The following SCTR variants were observed in gnomAD, a reference collection of about 807,000 sequenced individuals.
The protein encoded by SCTR is secretin receptor, also known as pancreatic secretin receptor.
Under a neutral mutation model 60.8 loss-of-function variants are expected in SCTR, and 56 were observed. The observed-to-expected ratio is 0.92, with a 90% CI of 0.74 to 1.15. The LOEUF (loss-of-function observed/expected upper bound fraction) is 1.15, where lower values mean the gene tolerates loss of function less well. Among genes scored for constraint, SCTR ranks in the 50% most tolerant of loss-of-function variants. SCTR has a pLI of 0.00. For missense variants in SCTR, 562 were observed against 550.4 expected, an observed-to-expected ratio of 1.02 and a Z score of -0.21; for synonymous variants, 202 against 217.0, an observed-to-expected ratio of 0.93 and a Z score of 0.61.
intron 2 of SCTR, among the ~76,000 whole-genome samples, chr2:119,489,287 G>A (rs1678022363): frequency 1.3e-5 from 2 of 152,306 alleles, no homozygotes; most frequent in South Asian, 4.1e-4. Flanking sequence ...TCCTCTGCGG[G>A]GGCCTCACCT....
At chr2:119,496,640 TA>T (rs1465284876) in intron 1 of SCTR, among the ~76,000 whole-genome samples, 1 of 152,104 alleles carries the variant, frequency 6.6e-6, no homozygotes, top group African/African-American at 2.4e-5. Context: ...TCCCACCTCA[TA>T]TATCACAGGA....
chr2:119,474,780 T>C (rs565347381), intron 3 of SCTR, among the ~76,000 whole-genome samples: 3 of 152,320 alleles, frequency 2.0e-5, no homozygotes, highest in Admixed American at 2.0e-4. Flanking sequence ...CCACAGCGTA[T>C]GCTATCACTG....
At chr2:119,440,972 G>C (rs1682634867) in intron 12 of SCTR, among the ~76,000 whole-genome samples, 1 of 152,226 alleles carries the variant, frequency 6.6e-6, no homozygotes, top group Admixed American at 6.5e-5. Flanking sequence ...CTTAGCTCAT[G>C]TTAACCACAT....
intron 2 of SCTR, chr2:119,484,782 T>A (rs533381604): frequency 6.6e-6 from 1 of 152,146 alleles, no homozygotes; most frequent in East Asian, 1.9e-4. Flanking sequence ...CTCTGGGGGA[T>A]GAAGAGGTAT....
chr2:119,459,203 C>T (rs1287315932), intron 7 of SCTR, among the ~76,000 whole-genome samples: 1 of 152,148 alleles, frequency 6.6e-6, no homozygotes, highest in Non-Finnish European at 1.5e-5. Flanking sequence ...ACATCTATAT[C>T]ACATCTATCT....
At chr2:119,473,311 G>A (rs954917081) in intron 4 of SCTR, 142 bp downstream of exon 4, 8 of 615,212 alleles carry the variant, frequency 1.3e-5, no homozygotes, top group Admixed American at 8.6e-5. Flanking sequence ...AGGAGGCATG[G>A]GGACAGGGGG....
chr2:119,450,527 A>T (rs990656484), intron 9 of SCTR, among the ~76,000 whole-genome samples: 1 of 147,862 alleles, frequency 6.8e-6, no homozygotes, highest in African/African-American at 2.4e-5. Flanking sequence ...AGTGAAAAAC[A>T]AAAAACAAAA....
At chr2:119,491,018 T>C (rs1241257682) in intron 2 of SCTR, among the ~76,000 whole-genome samples, 1 of 152,146 alleles carries the variant, frequency 6.6e-6, no homozygotes, top group African/African-American at 2.4e-5. Flanking sequence ...CTTTCTTCTC[T>C]TCCCTGTCTC....
rs1573830390 is a variant in SCTR, at chr2:119,464,088, G to A, written c.636+35C>T. ...AAGCTAGGCTGGGGAAGGCAGGCGG[G>A]CCTGGCGACATCCTGGGGCACCCAG... On this transcript the variant is annotated intron_variant, in intron 6 of 12. Transcript: ENST00000019103. The A allele has an allele frequency of 2.5e-6, 4 of 1,612,308 alleles. No individual in the cohort carries two copies. In the East Asian group the frequency reaches 8.9e-5, roughly 36 times the overall value.
At chr2:119,521,534 C>G (rs899591420) in intron 1 of SCTR, among the ~76,000 whole-genome samples, 1 of 151,934 alleles carries the variant, frequency 6.6e-6, no homozygotes, top group Non-Finnish European at 1.5e-5. Context: ...GGGGTGGGGC[C>G]GCAGAGGGGG....
At chr2:119,474,646 A>T (rs1677188919) in intron 3 of SCTR, among the ~76,000 whole-genome samples, 1 of 152,186 alleles carries the variant, frequency 6.6e-6, no homozygotes, top group South Asian at 2.1e-4. Context: ...CACAGTCTCC[A>T]GGGGCTGGGC....
At chr2:119,507,680 C>CTT (rs1222628111) in intron 1 of SCTR, among the ~76,000 whole-genome samples, 31 of 99,308 alleles carry the variant, frequency 3.1e-4, no homozygotes, top group African/African-American at 6.2e-4. Flanking sequence ...TTTTTTTTTT[C>CTT]TTTTTTTTTT....
chr2:119,484,453 G>A (rs1001059436), intron 2 of SCTR, among the ~76,000 whole-genome samples: 4 of 152,138 alleles, frequency 2.6e-5, no homozygotes, highest in African/African-American at 9.7e-5. Flanking sequence ...GACAGCATGG[G>A]ATACCAGGTT....
intron 1 of SCTR, among the ~76,000 whole-genome samples, chr2:119,502,348 A>G (rs1478006477): frequency 2.6e-5 from 4 of 152,254 alleles, no homozygotes; most frequent in Non-Finnish European, 5.9e-5. Context: ...TATGCTGAGA[A>G]CAACATAATG....
intron 2 of SCTR, among the ~76,000 whole-genome samples, chr2:119,482,096 C>G (rs1677636604): frequency 6.6e-6 from 1 of 152,214 alleles, no homozygotes; most frequent in Non-Finnish European, 1.5e-5. Context: ...CTGTCTCCAC[C>G]CAGCCCTCCA....
chr2:119,463,559 C>A (rs1297762086), intron 6 of SCTR, among the ~76,000 whole-genome samples: 2 of 152,080 alleles, frequency 1.3e-5, no homozygotes, highest in East Asian at 3.9e-4. Flanking sequence ...GGAAACAGCC[C>A]CCATTTGTTT....
At chr2:119,476,527 G>A (rs1677319314) in intron 3 of SCTR, 1 of 152,286 alleles carries the variant, frequency 6.6e-6, no homozygotes, top group Non-Finnish European at 1.5e-5. Flanking sequence ...AGCAATCCAA[G>A]GGTAGGGGAG....
At chr2:119,475,727 AATATATAG>A (rs1167224885) in intron 3 of SCTR, among the ~76,000 whole-genome samples, 1 of 147,686 alleles carries the variant, frequency 6.8e-6, no homozygotes, top group African/African-American at 2.5e-5. Flanking sequence ...CATATATATA[AATATATAG>A]ATATATAGAT....
At chr2:119,496,229 G>A (rs1678339712) in intron 1 of SCTR, among the ~76,000 whole-genome samples, 1 of 151,980 alleles carries the variant, frequency 6.6e-6, no homozygotes, top group African/African-American at 2.4e-5. Flanking sequence ...GCTGTTCAGA[G>A]CTGCTTAGAA....
Sources: allele counts gnomAD v4.1 joint callset (sites outside exome capture counted in the v4.1 genomes callset), GRCh38; gene constraint gnomAD v4.1.1; transcripts MANE v1.5; gene names NCBI Gene and HGNC (gene_info 2026-07-23, HGNC 2026-07-21).